Variants in LRIG3 observed in about 807,000 individuals in gnomAD.
LRIG3 encodes leucine rich repeats and immunoglobulin like domains 3, also known as leucine-rich repeats and immunoglobulin-like domains protein 3.
LRIG3 carries 76 observed loss-of-function variants against 114.5 expected under a neutral mutation model. The observed-to-expected ratio is 0.66, with a 90% CI of 0.55 to 0.80. LRIG3 has a LOEUF of 0.80. Ranked by LOEUF, LRIG3 falls within the 30% of genes least tolerant of loss-of-function variation. The pLI is 0.00. For missense variants in LRIG3, 1,239 were observed against 1,382.8 expected, an observed-to-expected ratio of 0.90 and a Z score of 1.65; for synonymous variants, 512 against 519.8, an observed-to-expected ratio of 0.98 and a Z score of 0.20.
intron 15 of LRIG3, 100 bp from the exon 16 acceptor site, chr12:58,876,703 A>T: frequency 8.1e-7 from 1 of 1,236,050 alleles, no homozygotes; most frequent in East Asian, 2.4e-5. Context: ...TTCTGTATAC[A>T]TCAAATTAGG....
At chr12:58,881,748 A>G (rs990241755) in intron 12 of LRIG3, among the ~76,000 whole-genome samples, 6 of 152,220 alleles carry the variant, frequency 3.9e-5, no homozygotes, top group Non-Finnish European at 7.3e-5. Context: ...AATGGGTTAT[A>G]GGGGATGCTT....
chr12:58,919,298 T>G, intron 1 of LRIG3: 1 of 1,265,176 alleles, frequency 7.9e-7, no homozygotes, highest in Non-Finnish European at 1.1e-6. Context: ...CTCCCTGCGC[T>G]CTCCCCTAAA....
intron 3 of LRIG3, among the ~76,000 whole-genome samples, chr12:58,908,537 C>CA (rs1487633554): frequency 4.6e-5 from 7 of 152,222 alleles, no homozygotes; most frequent in African/African-American, 2.4e-5. Flanking sequence ...GGCATACACT[C>CA]ACCAGCTAGG....
At position 58,880,812 on chromosome 12, in the gene LRIG3, T is replaced by C. The variant is rs1871103966; in HGVS notation, c.1570A>G (p.Ser524Gly). ...AAAGTCATTGGGGAATCACTGCTGC[T>C]GGCAGCTGAGCAGATGAAACTCAAA... ...SNLSFICSAA[S>G]SSDSPMTFAW... is the part of the protein sequence containing the mutation. Residue 524 changes from serine (S) to glycine (G), a missense_variant, in exon 13 of 19, where the codon AGC (serine) becomes GGC (glycine). Physicochemically the swap from Ser to Gly is moderately conservative, Grantham distance 56. Coordinates refer to ENST00000320743, the MANE Select transcript of LRIG3 (RefSeq NM_153377.5). The C allele has an allele frequency of 6.2e-7, 1 of 1,614,220 alleles. No homozygotes were observed. The highest frequency in any genetic ancestry group is 8.5e-7 in the Non-Finnish European group (1 of 1,180,024).
intron 3 of LRIG3, among the ~76,000 whole-genome samples, chr12:58,901,796 A>T (rs1025467064): frequency 1.3e-5 from 2 of 152,230 alleles, no homozygotes; most frequent in African/African-American, 4.8e-5. Context: ...CCTCTGCTTA[A>T]CGTATAACAA....
Position 58,915,558 on chromosome 12 carries a change from A to G in LRIG3, c.237-1222T>C, listed in dbSNP as rs76145933. ...TGGATTCTCTTTTTCACCTAAAAAA[A>G]AAAATCTGCAAGGTTTTATTTGAAG... On this transcript the variant is annotated intron_variant, in intron 1 of 18. Coordinates refer to ENST00000320743, the MANE Select transcript of LRIG3 (RefSeq NM_153377.5). 5.2e-3 allele frequency among the ~76,000 whole-genome samples: 788 copies of G among 152,288 alleles called. 6 individuals are homozygous for G. The highest frequency in any genetic ancestry group is 0.018 in the African/African-American group (755 of 41,552).
Position 58,920,035 on chromosome 12 carries a change from A to T in LRIG3, c.201T>A (p.Arg67=). 6.4e-7 allele frequency: 1 copy of T among 1,551,374 alleles called. No individual in the cohort carries two copies. The change falls in exon 1 of 19, where the codon CGT becomes CGA. Residue 67 remains arginine, a synonymous_variant. Coordinates refer to ENST00000320743, the MANE Select transcript of LRIG3 (RefSeq NM_153377.5). ...LLDCSRKRLA[R]LPEPLPSWVA... is the part of the protein sequence containing the mutation. ...CCCAGGACGGGAGTGGCTCGGGAAGACGCGCTAGCCGCTTACGACTGCAGT... is the reference window on the plus strand; with the variant it reads ...CCCAGGACGGGAGTGGCTCGGGAAGTCGCGCTAGCCGCTTACGACTGCAGT...
At chr12:58,890,906 C>A (rs1871436261) in intron 3 of LRIG3, 110 bp from the exon 4 acceptor site, 3 of 961,514 alleles carry the variant, frequency 3.1e-6, no homozygotes, top group African/African-American at 1.7e-5. Context: ...ACTGACTAAT[C>A]TGAACAGTAC....
Position 58,874,277 on chromosome 12 carries a change from T to C in LRIG3, c.2893A>G (p.Ile965Val), listed in dbSNP as rs377330807. The C allele has an allele frequency of 2.2e-5, 35 of 1,614,086 alleles. No individual in the cohort carries two copies. Among genetic ancestry groups the C allele is most frequent in the South Asian group, 3.3e-5 (3 of 91,056 alleles). ...VLMDHYEPSY[I>V]KKKECYPCSH... is the part of the protein sequence containing the mutation. ...CATGGGTAGCACTCCTTTTTCTTTATGTAACTGGGCTCATAGTGGTCCATT... is the reference window on the plus strand; with the variant it reads ...CATGGGTAGCACTCCTTTTTCTTTACGTAACTGGGCTCATAGTGGTCCATT... Residue 965 changes from isoleucine (I) to valine (V), a missense_variant, in exon 18 of 19, where the codon ATA (isoleucine) becomes GTA (valine). Transcript: ENST00000320743.
intron 3 of LRIG3, among the ~76,000 whole-genome samples, chr12:58,898,025 A>G (rs1871705224): frequency 6.6e-6 from 1 of 152,208 alleles, no homozygotes; most frequent in African/African-American, 2.4e-5. Context: ...GAGTGCAGAC[A>G]CTCAAGAGCA....
In LRIG3 at chr12:58,919,992, A is replaced by C; in HGVS notation, c.236+8T>G. The C allele has an allele frequency of 6.5e-7, 1 of 1,550,332 alleles. No individual in the cohort carries two copies. Among genetic ancestry groups the C allele is most frequent in the Middle Eastern group, 1.7e-4 (1 of 5,956 alleles). The stretch of plus-strand genomic sequence containing the variant: ...CGGGCCCCCTCCCCCCGCGGGAAGA[A>C]TACTTACAGCCGAGCGACCCAGGAC... On this transcript the variant is annotated splice_region_variant and intron_variant, in intron 1 of 18. Coordinates refer to ENST00000320743, the MANE Select transcript of LRIG3 (RefSeq NM_153377.5).
At position 58,886,941 on chromosome 12, in the gene LRIG3, G is replaced by A. The variant is rs760888733; in HGVS notation, c.1092-51C>T. The A allele has an allele frequency of 7.8e-6, 11 of 1,410,926 alleles. No individual in the cohort carries two copies. The East Asian group carries it at 2.3e-4, about 30-fold the overall frequency. The allele number at this position is 1,410,926 out of a possible 1,614,324, so 87.4% of individuals were successfully genotyped here. The stretch of plus-strand genomic sequence containing the variant: ...TAGAGTGATAAGCTCAGAAAGCCTA[G>A]TATCACCACCCAGGTGGCATATCAT... On this transcript the variant is annotated intron_variant, in intron 8 of 18. Coordinates refer to ENST00000320743, the MANE Select transcript of LRIG3 (RefSeq NM_153377.5).
chr12:58,892,636 A>T (rs1871494297), intron 3 of LRIG3, among the ~76,000 whole-genome samples: 2 of 152,222 alleles, frequency 1.3e-5, no homozygotes, highest in Non-Finnish European at 2.9e-5. Flanking sequence ...CTCTCTATAT[A>T]TCACCCTTAG....
intron 1 of LRIG3, 63 bp downstream of exon 1, chr12:58,919,937 G>C: frequency 1.4e-6 from 2 of 1,458,850 alleles, no homozygotes; most frequent in East Asian, 2.5e-5. Flanking sequence ...ATTCCCCGCC[G>C]GCTCCTGTTT....
chr12:58,907,386 A>C (rs2120967566), intron 3 of LRIG3, among the ~76,000 whole-genome samples: 1 of 152,136 alleles, frequency 6.6e-6, no homozygotes, highest in African/African-American at 2.4e-5. Flanking sequence ...TGAAGAGAGA[A>C]GTTTTCCTGA....
intron 12 of LRIG3, among the ~76,000 whole-genome samples, chr12:58,881,420 CAAA>C (rs376145825): frequency 4.1e-4 from 27 of 65,070 alleles, no homozygotes; most frequent in East Asian, 2.7e-3. Flanking sequence ...TAGGTAGAGG[CAAA>C]AAAAAAAAAA....
chr12:58,914,627 C>T (rs79496424), intron 1 of LRIG3: 13,721 of 310,712 alleles, frequency 0.044, 613 homozygotes, highest in African/African-American at 0.14. Flanking sequence ...AGGTCTGCTT[C>T]ACCCTCCCAT....
At chr12:58,889,774 G>T (rs938771736) in intron 5 of LRIG3, among the ~76,000 whole-genome samples, 5 of 151,960 alleles carry the variant, frequency 3.3e-5, no homozygotes, top group African/African-American at 1.2e-4. Flanking sequence ...CACTCTTTCA[G>T]TAACAATCTA....
chr12:58,889,944 C>A lies in LRIG3; in HGVS notation c.659+52G>T. The A allele has an allele frequency of 1.9e-6, 3 of 1,582,190 alleles. No homozygotes were observed. The South Asian group carries it at 3.5e-5, about 18-fold the overall frequency. ...CATTGTAGATTTTAAGGAAAAGACA[C>A]CAAGGGTTTGGAGGAGGTGAGAAAC... On this transcript the variant is annotated intron_variant, in intron 5 of 18. Coordinates refer to ENST00000320743, the MANE Select transcript of LRIG3 (RefSeq NM_153377.5).
Sources: gnomAD v4.1 joint callset for allele counts (sites outside exome capture counted in the v4.1 genomes callset) on GRCh38, gnomAD v4.1.1 for gene constraint, MANE v1.5 for transcripts, NCBI Gene and HGNC (gene_info 2026-07-23, HGNC 2026-07-21) for gene names.